PC: variants seen among roughly 807,000 people sequenced by gnomAD.
PC encodes the protein pyruvate carboxylase, mitochondrial.
In PC, 46 loss-of-function variants were observed where a neutral mutation model predicts 107.8. That is an observed-to-expected ratio of 0.43 (90% CI 0.34 to 0.55). PC has a LOEUF of 0.55. PC is among the 20% of genes least tolerant of loss of function. PC has a pLI of 0.04. For synonymous variants in PC, 662 were observed against 684.7 expected (o/e 0.97, Z 0.52); for missense variants, 1,241 against 1,643.1 (o/e 0.76, Z 4.23).
rs1400402827 is a variant in PC, at chr11:66,857,467, C to G, written c.1369-4084G>C. The G allele has an allele frequency of 4.7e-6, 2 of 423,342 alleles. No homozygotes were observed. The highest frequency in any genetic ancestry group is 8.3e-6 in the Non-Finnish European group (2 of 239,870). The allele number at this position is 423,342 out of a possible 1,614,324, so 26.2% of individuals were successfully genotyped here. A position where few individuals can be genotyped will look rare whatever the true frequency, so the allele number is the denominator to read the frequency against. On this transcript the variant is annotated intron_variant, in intron 12 of 22. Transcript: ENST00000393960. The surrounding 1 kb of genome is among the most constrained non-coding windows in gnomAD (Gnocchi z 7.1). Reference sequence around the variant, plus strand: ...AGGAAGTTCCGGGACCCTCCCTGCTCTCGGTCCTCCTCCGCTTCCTGCCTC... The same window carrying G: ...AGGAAGTTCCGGGACCCTCCCTGCTGTCGGTCCTCCTCCGCTTCCTGCCTC...
At chr11:66,899,625 C>T (rs764028835) in intron 3 of PC, among the ~76,000 whole-genome samples, 56 of 152,290 alleles carry the variant, frequency 3.7e-4, no homozygotes, top group African/African-American at 1.3e-3. Context: ...TGTGAGCCAC[C>T]GTACCCAGCC....
intron 3 of PC, among the ~76,000 whole-genome samples, chr11:66,912,135 T>C (rs2136073105): frequency 6.6e-6 from 1 of 152,332 alleles, no homozygotes; most frequent in South Asian, 2.1e-4. Flanking sequence ...CACATGTTCA[T>C]GGGTCAGAGA....
At position 66,871,520 on chromosome 11, in the gene PC, C is replaced by T; in HGVS notation, c.322-40G>A. 1 of 1,611,060 alleles carries T rather than the reference C, an allele frequency of 6.2e-7. No homozygotes were observed. The highest frequency in any genetic ancestry group is 8.5e-7 in the Non-Finnish European group (1 of 1,178,418). Reference sequence around the variant, plus strand: ...CAGGGAGAGGACGGTACCTTGCAGTCCCTTCCAAGGCCTCGGCCAGCCTCT... The same window carrying T: ...CAGGGAGAGGACGGTACCTTGCAGTTCCTTCCAAGGCCTCGGCCAGCCTCT... On this transcript the variant is annotated intron_variant, in intron 5 of 22. Transcript: ENST00000393960. The surrounding 1 kb of genome is among the most constrained non-coding windows in gnomAD (Gnocchi z 7.4).
rs1948506521 is a variant in PC, at chr11:66,918,112, G to T, written c.-1+34318C>A. Among the ~76,000 whole-genome samples, 4 of 152,194 alleles carry T rather than the reference G, an allele frequency of 2.6e-5. No homozygotes were observed. In the South Asian group the frequency reaches 8.3e-4, roughly 32 times the overall value. ...TAGAATCCTTTTTCCTCCTCTTAAA[G>T]AATTTTGCATTAAAGAAAAATTCAC... On this transcript the variant is annotated intron_variant, in intron 3 of 22. Transcript: ENST00000393960.
rs144982348 is a variant in PC at position 66,848,905 on chromosome 11, G to T, written c.3531C>A (p.Ile1177=). The change falls in exon 23 of 23, where the codon ATC becomes ATA. Residue 1177 remains isoleucine, a synonymous_variant. Coordinates refer to ENST00000393960, the MANE Select transcript of PC (RefSeq NM_001040716.2). ...TLEGDDLILE[I]E ...CTGCCGGTCTGGGGCAAGATCACTC[G>T]ATCTCCAGGATGAGGTCGTCACCTT... 2.5e-6 allele frequency: 4 copies of T among 1,613,682 alleles called. No individual in the cohort carries two copies. In the East Asian group the frequency reaches 6.7e-5, roughly 27 times the overall value.
At chr11:66,883,349 C>G (rs1439612819) in intron 3 of PC, among the ~76,000 whole-genome samples, 1 of 152,170 alleles carries the variant, frequency 6.6e-6, no homozygotes, top group Admixed American at 6.5e-5. Context: ...CCCTGGCGCA[C>G]GAGGAGCCAG....
rs770776175 is a variant in PC at position 66,858,168 on chromosome 11, G to A, written c.1369-4785C>T. ...CCGCATCGCGCCGGGAGCCTTCGACGACTTCCTAGAGAGCCTGGAGGACCT... is the reference window on the plus strand; with the variant it reads ...CCGCATCGCGCCGGGAGCCTTCGACAACTTCCTAGAGAGCCTGGAGGACCT... On this transcript the variant is annotated intron_variant, in intron 12 of 22. Coordinates refer to ENST00000393960, the MANE Select transcript of PC (RefSeq NM_001040716.2). The surrounding 1 kb of genome is among the most constrained non-coding windows in gnomAD (Gnocchi z 5.9). 2 of 1,610,882 alleles carry A rather than the reference G, an allele frequency of 1.2e-6. No individual in the cohort carries two copies. The highest frequency in any genetic ancestry group is 1.7e-6 in the Non-Finnish European group (2 of 1,178,816).
Position 66,870,936 on chromosome 11 carries a change from C to T in PC, c.634-44G>A, listed in dbSNP as rs377283841. The T allele has an allele frequency of 5.5e-5, 88 of 1,602,990 alleles. No homozygotes were observed. The highest frequency in any genetic ancestry group is 6.7e-5 in the East Asian group (3 of 44,850). Reference sequence around the variant, plus strand: ...GCCAGCCAGACCTCAGACCCCACAGCGCTACCTCTCCCCTGCCATGAACCC... The same window carrying T: ...GCCAGCCAGACCTCAGACCCCACAGTGCTACCTCTCCCCTGCCATGAACCC... On this transcript the variant is annotated intron_variant, in intron 7 of 22. Transcript: ENST00000393960. This position sits in a 1 kb window ranked among gnomAD's most constrained non-coding sequence, Gnocchi z 6.1.
intron 3 of PC, among the ~76,000 whole-genome samples, chr11:66,904,370 G>A (rs1352599697): frequency 6.6e-6 from 1 of 152,188 alleles, no homozygotes; most frequent in Non-Finnish European, 1.5e-5. Context: ...TGGGCGCGGT[G>A]GCTCATGTCT....
chr11:66,865,228 C>T (rs1253587764), intron 11 of PC, among the ~76,000 whole-genome samples: 1 of 152,214 alleles, frequency 6.6e-6, no homozygotes, highest in Non-Finnish European at 1.5e-5. Context: ...TACCCCCAGC[C>T]TCCCCAGCCT....
At chr11:66,920,632 C>A (rs1948571538) in intron 3 of PC, among the ~76,000 whole-genome samples, 1 of 152,128 alleles carries the variant, frequency 6.6e-6, no homozygotes, top group Admixed American at 6.6e-5. Flanking sequence ...CTTCGCCGCA[C>A]CCTCCTCCAA....
At chr11:66,931,385 A>G (rs1038281797) in intron 3 of PC, among the ~76,000 whole-genome samples, 2 of 46,964 alleles carry the variant, frequency 4.3e-5, no homozygotes, top group African/African-American at 7.5e-5. Context: ...CCATCTCAAG[A>G]AAAAAAAAAA....
At chr11:66,905,546 A>T (rs1354461715) in intron 3 of PC, among the ~76,000 whole-genome samples, 1 of 152,210 alleles carries the variant, frequency 6.6e-6, no homozygotes, top group Non-Finnish European at 1.5e-5. Context: ...GTTCATTGGG[A>T]GGATGAAATA....
intron 12 of PC, chr11:66,859,558 G>A (rs2135875391): frequency 1.0e-5 from 16 of 1,583,560 alleles, no homozygotes; most frequent in Non-Finnish European, 1.4e-5. Context: ...GGTGTTTGGA[G>A]CTGGGAGCAC....
chr11:66,951,351 G>A (rs1949431100), intron 3 of PC, among the ~76,000 whole-genome samples: 1 of 152,126 alleles, frequency 6.6e-6, no homozygotes, highest in Non-Finnish European at 1.5e-5. Context: ...AGGGGGAGAG[G>A]GGACTGGACT....
Position 66,901,501 on chromosome 11 carries a change from G to A in PC, c.1-29342C>T, listed in dbSNP as rs575449701. Among the ~76,000 whole-genome samples the A allele has an allele frequency of 4.6e-5, 7 of 152,020 alleles. No individual in the cohort carries two copies. The South Asian group carries it at 1.2e-3, about 27-fold the overall frequency. Reference sequence around the variant, plus strand: ...TATTTTTTTTTGGAGACAGAGTCCCGCTCTGTCACCCAGGCTGCAGTACAA... The same window carrying A: ...TATTTTTTTTTGGAGACAGAGTCCCACTCTGTCACCCAGGCTGCAGTACAA... On this transcript the variant is annotated intron_variant, in intron 3 of 22. Transcript: ENST00000393960.
chr11:66,866,120 C>T lies in PC; in HGVS notation c.1185+67G>A. On this transcript the variant is annotated intron_variant, in intron 11 of 22. Coordinates refer to ENST00000393960, the MANE Select transcript of PC (RefSeq NM_001040716.2). This position sits in a 1 kb window ranked among gnomAD's most constrained non-coding sequence, Gnocchi z 5.4. ...GGGCTGTGGCAACTTGGCACTGCAG[C>T]CCCAGGCACCAGGCAGAACCTGTGC... 1 of 1,552,144 alleles carries T rather than the reference C, an allele frequency of 6.4e-7. No homozygotes were observed. The highest frequency in any genetic ancestry group is 1.1e-5 in the South Asian group (1 of 87,210).
chr11:66,888,523 C>G (rs993216350), intron 3 of PC, among the ~76,000 whole-genome samples: 4 of 152,186 alleles, frequency 2.6e-5, no homozygotes, highest in Non-Finnish European at 2.9e-5. Flanking sequence ...ACTCCCACGG[C>G]GATGGGGAGG....
intron 3 of PC, among the ~76,000 whole-genome samples, chr11:66,875,816 TATTCATTGCACAGTG>T (rs1389998552): frequency 2.6e-5 from 4 of 152,044 alleles, no homozygotes; most frequent in Non-Finnish European, 5.9e-5. Flanking sequence ...ACCTTGTCCT[TATTCATTGCACAGTG>T]GAGAAACCTG....
Sources: gnomAD v4.1 joint callset for allele counts (sites outside exome capture counted in the v4.1 genomes callset) on GRCh38, gnomAD v4.1.1 for gene constraint, Gnocchi (gnomAD v3.1) non-coding constraint, MANE v1.5 for transcripts, NCBI Gene and HGNC (gene_info 2026-07-23, HGNC 2026-07-21) for gene names.